NRXN1: variants seen among roughly 807,000 people sequenced by gnomAD.
NRXN1 encodes neurexin 1.
NRXN1 carries 39 observed loss-of-function variants against 150.9 expected under a neutral mutation model. The observed-to-expected ratio is 0.26, with a 90% CI of 0.20 to 0.34. NRXN1 has a LOEUF of 0.34. Ranked by LOEUF, NRXN1 falls within the 10% of genes least tolerant of loss-of-function variation. NRXN1 has a pLI of 1.00. For synonymous variants in NRXN1, 924 were observed against 757.0 expected (o/e 1.22, Z -3.62); for missense variants, 1,815 against 1,949.9 (o/e 0.93, Z 1.30).
At chr2:50,201,505 A>C (rs182749400) in intron 18 of NRXN1, among the ~76,000 whole-genome samples, 3 of 152,310 alleles carry the variant, frequency 2.0e-5, no homozygotes, top group African/African-American at 7.2e-5. Context: ...GAGGGAAAGT[A>C]ATGCATTAGT....
At chr2:50,380,653 C>T (rs186680227) in intron 17 of NRXN1, among the ~76,000 whole-genome samples, 70 of 152,144 alleles carry the variant, frequency 4.6e-4, no homozygotes, top group African/African-American at 1.5e-3. Flanking sequence ...GCAAAGAAGA[C>T]AGCACGTGCC....
chr2:50,551,103 AGGGAGGGGGAGGGGGAGG>A (rs1223620377), intron 9 of NRXN1, among the ~76,000 whole-genome samples: 1 of 64,906 alleles, frequency 1.5e-5, no homozygotes, highest in Admixed American at 2.1e-4. Flanking sequence ...GAGGAGGAGG[AGGGAGGGGGAGGGGGAGG>A]GGGAGGGGGA....
intron 5 of NRXN1, among the ~76,000 whole-genome samples, chr2:50,852,639 A>C (rs1431330396): frequency 1.3e-5 from 2 of 152,124 alleles, no homozygotes; most frequent in East Asian, 3.9e-4. Flanking sequence ...AAATCTTAGA[A>C]AATGTCAAAT....
chr2:50,902,671 T>G (rs1202901280), intron 5 of NRXN1, among the ~76,000 whole-genome samples: 1 of 152,180 alleles, frequency 6.6e-6, no homozygotes, highest in Non-Finnish European at 1.5e-5. Context: ...TGGTGTAGTT[T>G]GACCTTAGTG....
intron 18 of NRXN1, among the ~76,000 whole-genome samples, chr2:50,142,212 C>G (rs954831535): frequency 2.6e-5 from 4 of 151,856 alleles, no homozygotes; most frequent in Non-Finnish European, 5.9e-5. Flanking sequence ...CACAGATAGA[C>G]AAATATCACA....
At chr2:50,249,992 T>A (rs2066892116) in intron 17 of NRXN1, among the ~76,000 whole-genome samples, 1 of 152,132 alleles carries the variant, frequency 6.6e-6, no homozygotes, top group Non-Finnish European at 1.5e-5. Flanking sequence ...ACCATCCGCA[T>A]CAAGTTAAAA....
intron 21 of NRXN1, among the ~76,000 whole-genome samples, chr2:50,015,293 A>T (rs1686391713): frequency 6.6e-6 from 1 of 151,998 alleles, no homozygotes; most frequent in African/African-American, 2.4e-5. Context: ...CTTTAACGAT[A>T]TGTGGAAAGC....
rs140000640 is a variant in NRXN1 at position 50,957,710 on chromosome 2, A to G, written c.773-31755T>C. 7.1e-3 allele frequency among the ~76,000 whole-genome samples: 1,079 copies of G among 152,316 alleles called. 8 individuals carry two copies. Among genetic ancestry groups the G allele is most frequent in the African/African-American group, 0.025 (1,018 of 41,550 alleles). On this transcript the variant is annotated intron_variant, in intron 2 of 22. Transcript: ENST00000401669. ...TATTCCTTCTTTAATCCAGAAGAGAAAAAGTGATTTATTCTTAATTACTTT... is the reference window on the plus strand; with the variant it reads ...TATTCCTTCTTTAATCCAGAAGAGAGAAAGTGATTTATTCTTAATTACTTT...
intron 12 of NRXN1, among the ~76,000 whole-genome samples, chr2:50,508,601 C>G (rs1486068607): frequency 1.3e-5 from 2 of 151,742 alleles, no homozygotes; most frequent in South Asian, 2.1e-4. Context: ...GCTTTTGAAG[C>G]AGCTTCACTT....
At chr2:50,200,469 A>AT (rs919949581) in intron 18 of NRXN1, among the ~76,000 whole-genome samples, 13 of 152,096 alleles carry the variant, frequency 8.5e-5, no homozygotes, top group African/African-American at 3.1e-4. Flanking sequence ...TGAGTTGGAA[A>AT]TTTTTTTAAC....
Position 50,856,081 on chromosome 2 carries a change from A to G in NRXN1, c.832+65788T>C, listed in dbSNP as rs1052834378. ...TTGGTTTCTAAAAATGCATTGCATG[A>G]GACCTTTGTAATTATGCAGAAGACA... On this transcript the variant is annotated intron_variant, in intron 5 of 22. Transcript: ENST00000401669. 1.3e-4 allele frequency among the ~76,000 whole-genome samples: 20 copies of G among 150,786 alleles called. No individual in the cohort carries two copies. The South Asian group carries it at 3.8e-3, about 28-fold the overall frequency.
At chr2:50,311,057 AC>A (rs1352631967) in intron 17 of NRXN1, among the ~76,000 whole-genome samples, 2 of 152,186 alleles carry the variant, frequency 1.3e-5, no homozygotes, top group Non-Finnish European at 2.9e-5. Flanking sequence ...ATGTACATAT[AC>A]ACACAAAGTA....
intron 21 of NRXN1, among the ~76,000 whole-genome samples, chr2:50,050,087 T>C (rs1295930106): frequency 6.6e-6 from 1 of 151,946 alleles, no homozygotes; most frequent in Non-Finnish European, 1.5e-5. Flanking sequence ...TCCCTATTAT[T>C]TCTTGATATA....
intron 18 of NRXN1, among the ~76,000 whole-genome samples, chr2:50,165,069 A>C (rs566309321): frequency 2.6e-5 from 4 of 152,292 alleles, no homozygotes; most frequent in African/African-American, 7.2e-5. Flanking sequence ...TAAAAAGCCA[A>C]GGAGAAAAGC....
intron 5 of NRXN1, among the ~76,000 whole-genome samples, chr2:50,742,899 A>G (rs939347994): frequency 5.9e-5 from 9 of 152,176 alleles, no homozygotes; most frequent in African/African-American, 2.2e-4. Context: ...TTGATTTCTG[A>G]AGTTCAGTAG....
intron 19 of NRXN1, among the ~76,000 whole-genome samples, chr2:50,058,723 T>C (rs896794142): frequency 1.3e-5 from 2 of 152,100 alleles, no homozygotes; most frequent in South Asian, 4.1e-4. Flanking sequence ...AATTGAATTA[T>C]GGGGGTGGGT....
chr2:50,472,925 G>A (rs989227890), intron 15 of NRXN1, among the ~76,000 whole-genome samples: 7 of 151,716 alleles, frequency 4.6e-5, no homozygotes, highest in Non-Finnish European at 4.4e-5. Context: ...ATGATTAAAT[G>A]AGATGAAATA....
chr2:50,419,895 C>A (rs1488376854), intron 17 of NRXN1, among the ~76,000 whole-genome samples: 2 of 152,010 alleles, frequency 1.3e-5, no homozygotes, highest in Admixed American at 6.6e-5. Context: ...CTGAAATAAT[C>A]CTCCACTGTA....
chr2:50,583,046 C>T (rs1045415787), intron 8 of NRXN1, among the ~76,000 whole-genome samples: 2 of 151,854 alleles, frequency 1.3e-5, no homozygotes, highest in African/African-American at 4.8e-5. Flanking sequence ...TCACCTCCCA[C>T]CTAGTTTTTT....
Sources: gnomAD v4.1 joint callset for allele counts (sites outside exome capture counted in the v4.1 genomes callset) on GRCh38, gnomAD v4.1.1 for gene constraint, MANE v1.5 for transcripts, NCBI Gene and HGNC (gene_info 2026-07-23, HGNC 2026-07-21) for gene names.